The following USP42 variants were observed in gnomAD, a reference collection of about 807,000 sequenced individuals.
The protein encoded by USP42 is ubiquitin specific peptidase 42.
USP42 carries 23 observed loss-of-function variants against 113.0 expected under a neutral mutation model. The observed-to-expected ratio is 0.20, with a 90% CI of 0.15 to 0.29. The LOEUF is 0.29. USP42 is among the 10% of genes least tolerant of loss of function. The pLI is 1.00. For synonymous variants in USP42, 933 were observed against 699.0 expected, an observed-to-expected ratio of 1.33 and a Z score of -5.28; for missense variants, 2,174 against 1,779.8, an observed-to-expected ratio of 1.22 and a Z score of -3.99.
At position 6,154,344 on chromosome 7, in the gene USP42, G is replaced by A; in HGVS notation, c.2790G>A (p.Pro930=). ...PGERVEDAAA[P]KAPGPSPAKE... is the part of the protein sequence containing the mutation. Reference sequence around the variant, plus strand: ...AGAGGGTCGAGGACGCCGCGGCGCCGAAAGCCCCAGGCCCTTCCCCAGCGA... The same window carrying A: ...AGAGGGTCGAGGACGCCGCGGCGCCAAAAGCCCCAGGCCCTTCCCCAGCGA... The change falls in exon 15 of 18, where the codon CCG becomes CCA. Residue 930 remains proline, a synonymous_variant. Transcript: ENST00000306177. The A allele has an allele frequency of 6.4e-7, 1 of 1,571,618 alleles. No homozygotes were observed. Among genetic ancestry groups the A allele is most frequent in the Non-Finnish European group, 8.6e-7 (1 of 1,159,744 alleles).
chr7:6,125,447 A>G (rs1780484375), intron 3 of USP42, among the ~76,000 whole-genome samples: 1 of 152,068 alleles, frequency 6.6e-6, no homozygotes. Context: ...CCAAGAACAC[A>G]CCACTGCACT....
In USP42 at chr7:6,139,490, C is replaced by T. The variant is rs1328320887; in HGVS notation, c.656+296C>T. 1 of 257,656 alleles carries T rather than the reference C, an allele frequency of 3.9e-6. No homozygotes were observed. Among genetic ancestry groups the T allele is most frequent in the South Asian group, 8.5e-5 (1 of 11,758 alleles). The allele number at this position is 257,656 out of a possible 1,614,324, so 16.0% of individuals were successfully genotyped here. On this transcript the variant is annotated intron_variant, in intron 5 of 17. Coordinates refer to ENST00000306177, the MANE Select transcript of USP42 (RefSeq NM_032172.3). The surrounding 1 kb of genome is among the most constrained non-coding windows in gnomAD (Gnocchi z 4.5). ...TCAGCAGACGTCTGCAGATCTCAAA[C>T]TAGCTGCTTCTCCTTTCTAGTTGTG...
chr7:6,104,454 A>G (rs377573972), upstream of USP42, among the ~76,000 whole-genome samples: 3 of 152,246 alleles, frequency 2.0e-5, no homozygotes, highest in African/African-American at 7.2e-5. Flanking sequence ...GTAGTTGCAG[A>G]GGGCGAAGCC....
the USP42 span, among the ~76,000 whole-genome samples, chr7:6,089,579 C>A: frequency 6.7e-6 from 1 of 148,422 alleles, no homozygotes; most frequent in Non-Finnish European, 1.5e-5. Context: ...GTCTCCCAGG[C>A]TGGAGTGCAA....
In USP42 at chr7:6,158,546, T is replaced by C. The variant is rs1239366591; in HGVS notation, c.3944-904T>C. Among the ~76,000 whole-genome samples the C allele has an allele frequency of 1.3e-5, 2 of 151,386 alleles. No homozygotes were observed. The highest frequency in any genetic ancestry group is 4.9e-5 in the African/African-American group (2 of 41,134). ...ATTGAGGGGTAAACGGTCCTTAGAG[T>C]GTGTGAGAGAGAGCTGGGGGTTGCG... On this transcript the variant is annotated intron_variant, in intron 16 of 17. Transcript: ENST00000306177. This position sits in a 1 kb window ranked among gnomAD's most constrained non-coding sequence, Gnocchi z 4.2.
chr7:6,154,956 C>A lies in USP42; in HGVS notation c.3402C>A (p.His1134Gln), dbSNP rs1782351004. Reference protein sequence around the residue: ...ALAPHPDRFSHDRTALVAGDN... With the variant: ...ALAPHPDRFSQDRTALVAGDN... Reference sequence around the variant, plus strand: ...CCCCGCACCCCGACCGCTTCTCCCACGACAGAACTGCACTTGTAGCCGGAG... The same window carrying A: ...CCCCGCACCCCGACCGCTTCTCCCAAGACAGAACTGCACTTGTAGCCGGAG... The change falls in exon 15 of 18, where the codon CAC becomes CAA. Residue 1134 changes from histidine (H) to glutamine (Q), a missense_variant. His to Gln is a conservative substitution (Grantham distance 24). Coordinates refer to ENST00000306177, the MANE Select transcript of USP42 (RefSeq NM_032172.3). The A allele has an allele frequency of 6.4e-7, 1 of 1,557,280 alleles. No individual in the cohort carries two copies. The highest frequency in any genetic ancestry group is 2.4e-5 in the East Asian group (1 of 41,422).
chr7:6,092,642 G>A, the USP42 span, among the ~76,000 whole-genome samples: 1 of 151,136 alleles, frequency 6.6e-6, no homozygotes, highest in African/African-American at 2.5e-5. Flanking sequence ...AAACAAAATA[G>A]TCTCTGGAAA....
chr7:6,093,516 C>T, the USP42 span, among the ~76,000 whole-genome samples: 2 of 150,948 alleles, frequency 1.3e-5, no homozygotes, highest in Non-Finnish European at 2.9e-5. Context: ...CTCCTGATCT[C>T]AAGCGATTCT....
the USP42 span, among the ~76,000 whole-genome samples, chr7:6,095,674 CA>C: frequency 1.3e-5 from 2 of 150,120 alleles, no homozygotes; most frequent in Non-Finnish European, 3.0e-5. Flanking sequence ...GTCTAAAAAA[CA>C]AAAAAAATGG....
At chr7:6,113,366 C>A (rs1264111887) in intron 2 of USP42, among the ~76,000 whole-genome samples, 1 of 152,144 alleles carries the variant, frequency 6.6e-6, no homozygotes, top group Non-Finnish European at 1.5e-5. Flanking sequence ...GGACCTCTTT[C>A]TCCACGGCCT....
At chr7:6,135,067 G>C (rs553078981) in intron 3 of USP42, among the ~76,000 whole-genome samples, 2 of 152,328 alleles carry the variant, frequency 1.3e-5, no homozygotes, top group African/African-American at 2.4e-5. Flanking sequence ...TGAGATGATA[G>C]GCATGAGCCA....
the USP42 span, among the ~76,000 whole-genome samples, chr7:6,097,491 C>A: frequency 6.7e-6 from 1 of 149,632 alleles, no homozygotes; most frequent in South Asian, 2.1e-4. Flanking sequence ...ACCGCAGCCT[C>A]CAATTCCTGG....
chr7:6,126,499 A>G (rs766877516), intron 3 of USP42, among the ~76,000 whole-genome samples: 1 of 152,030 alleles, frequency 6.6e-6, no homozygotes, highest in Non-Finnish European at 1.5e-5. Flanking sequence ...GTTAGCCAGG[A>G]TGGTCTCTAT....
intron 2 of USP42, chr7:6,112,088 T>G (rs1779627270): frequency 6.6e-6 from 1 of 152,244 alleles, no homozygotes; most frequent in African/African-American, 2.4e-5. Flanking sequence ...TTACCCAGTT[T>G]TTTTTGTTTT....
the USP42 span, among the ~76,000 whole-genome samples, chr7:6,096,651 T>C: frequency 2.6e-5 from 4 of 151,412 alleles, 1 homozygote; most frequent in African/African-American, 9.8e-5. Context: ...ACAGGCTGAT[T>C]GCACAAGTTG....
chr7:6,114,486 A>G (rs1779768454), intron 2 of USP42, among the ~76,000 whole-genome samples: 1 of 151,516 alleles, frequency 6.6e-6, no homozygotes, highest in Non-Finnish European at 1.5e-5. Context: ...CCAATACTTC[A>G]TCTTTCACTT....
At chr7:6,125,217 A>G (rs997588352) in intron 3 of USP42, among the ~76,000 whole-genome samples, 4 of 147,662 alleles carry the variant, frequency 2.7e-5, no homozygotes, top group Middle Eastern at 3.5e-3. Flanking sequence ...GGCAGGATGC[A>G]GTGGCTCATG....
intron 8 of USP42, 64 bp from the exon 9 acceptor site, chr7:6,144,021 C>T (rs1053909036): frequency 1.3e-4 from 149 of 1,116,370 alleles, no homozygotes; most frequent in Non-Finnish European, 1.5e-4. Context: ...CAAGAAAGAC[C>T]AAAATACCAC....
rs1195939347 is a variant in USP42, at chr7:6,149,877, T to A, written c.1681T>A (p.Ser561Thr). Residue 561 changes from serine (S) to threonine (T), a missense_variant, in exon 13 of 18, where the codon TCT becomes ACT. Physicochemically the swap from Ser to Thr is moderately conservative, Grantham distance 58 (BLOSUM62 1). Coordinates refer to ENST00000306177, the MANE Select transcript of USP42 (RefSeq NM_032172.3). The stretch of plus-strand genomic sequence containing the variant: ...CGTTCCCTCTTCTACCATTACCAAT[T>A]CTGCAGTACAGTCTACCTCGAACGC... ...KPVPSSTITN[S>T]AVQSTSNAST... The A allele has an allele frequency of 1.9e-6, 3 of 1,613,926 alleles. No homozygotes were observed. In the African/African-American group the frequency reaches 4.0e-5, roughly 22 times the overall value.
Sources: gnomAD v4.1 joint callset for allele counts (sites outside exome capture counted in the v4.1 genomes callset) on GRCh38, gnomAD v4.1.1 for gene constraint, Gnocchi (gnomAD v3.1) non-coding constraint, MANE v1.5 for transcripts, NCBI Gene and HGNC (gene_info 2026-07-23, HGNC 2026-07-21) for gene names.